The following XIRP2 variants were observed in gnomAD, a reference collection of about 807,000 sequenced individuals.
XIRP2 encodes the protein xin actin binding repeat containing 2.
In XIRP2, 236 loss-of-function variants were observed where a neutral mutation model predicts 277.0. That is an observed-to-expected ratio of 0.85 (90% confidence interval 0.77 to 0.95). The LOEUF is 0.95. Among genes scored for constraint, XIRP2 ranks in the 40% least tolerant of loss-of-function variants. The pLI, the probability that XIRP2 is intolerant of heterozygous loss-of-function variation, is 0.00. For missense variants in XIRP2, 4,640 were observed against 4,157.5 expected, an observed-to-expected ratio of 1.12 and a Z score of -3.19; for synonymous variants, 1,490 against 1,416.5, an observed-to-expected ratio of 1.05 and a Z score of -1.17.
intron 2 of XIRP2, among the ~76,000 whole-genome samples, chr2:166,929,130 C>T (rs1426826842): frequency 6.6e-6 from 1 of 151,872 alleles, no homozygotes; most frequent in Non-Finnish European, 1.5e-5. Flanking sequence ...CACCAAGACC[C>T]GCTGAATTGG....
intron 5 of XIRP2, among the ~76,000 whole-genome samples, chr2:167,227,731 A>G (rs1694646315): frequency 6.6e-6 from 1 of 152,096 alleles, no homozygotes; most frequent in Admixed American, 6.6e-5. Flanking sequence ...AATAAAATAA[A>G]TGATAGAATG....
intron 2 of XIRP2, among the ~76,000 whole-genome samples, chr2:166,904,782 T>C (rs1684473849): frequency 6.6e-6 from 1 of 152,090 alleles, no homozygotes; most frequent in Non-Finnish European, 1.5e-5. Context: ...GTTTGTTTGA[T>C]TGTTTTTTTG....
chr2:166,958,607 G>C (rs191076893), intron 2 of XIRP2, among the ~76,000 whole-genome samples: 23 of 151,686 alleles, frequency 1.5e-4, no homozygotes, highest in African/African-American at 5.6e-4. Flanking sequence ...AAAATAAAAT[G>C]CCTGCCTCTT....
At chr2:167,130,212 C>T (rs985594908) in intron 2 of XIRP2, among the ~76,000 whole-genome samples, 4 of 152,024 alleles carry the variant, frequency 2.6e-5, no homozygotes, top group Non-Finnish European at 4.4e-5. Flanking sequence ...CCTAATCACT[C>T]CTCTCCTACT....
chr2:167,246,890 A>G lies in XIRP2; in HGVS notation c.5498A>G (p.Lys1833Arg). Reference protein sequence around the residue: ...EPQSTFGKIPKEEIIKGDLTS... With the variant: ...EPQSTFGKIPREEIIKGDLTS... ...CAGAGTACATTTGGTAAGATACCCA[A>G]AGAAGAGATTATAAAAGGTGATTTG... The change falls in exon 9 of 11, where the codon AAA becomes AGA. Residue 1833 changes from lysine (K) to arginine (R), a missense_variant. Lys to Arg is a conservative substitution (Grantham distance 26). Transcript: ENST00000409195. 1 of 1,613,628 alleles carries G rather than the reference A, an allele frequency of 6.2e-7. No homozygotes were observed. The highest frequency in any genetic ancestry group is 8.5e-7 in the Non-Finnish European group (1 of 1,179,796).
chr2:167,033,402 A>G (rs555628027), intron 2 of XIRP2, among the ~76,000 whole-genome samples: 21 of 152,274 alleles, frequency 1.4e-4, no homozygotes, highest in South Asian at 6.2e-4. Context: ...ATAAACATGC[A>G]TGTTCTGCAC....
intron 2 of XIRP2, among the ~76,000 whole-genome samples, chr2:166,999,165 A>G (rs1041131412): frequency 6.6e-6 from 1 of 152,176 alleles, no homozygotes; most frequent in Non-Finnish European, 1.5e-5. Context: ...AGGTTGAAGG[A>G]TGCTTAATAT....
chr2:167,011,782 C>A (rs929879926), intron 2 of XIRP2, among the ~76,000 whole-genome samples: 10 of 151,982 alleles, frequency 6.6e-5, no homozygotes, highest in Non-Finnish European at 1.2e-4. Flanking sequence ...GATTCAACTT[C>A]TTCCTGGTTT....
At chr2:166,919,269 G>A (rs1180203679) in intron 2 of XIRP2, among the ~76,000 whole-genome samples, 3 of 152,188 alleles carry the variant, frequency 2.0e-5, no homozygotes, top group African/African-American at 7.2e-5. Context: ...GTGAGTGAAT[G>A]TTATAACTTC....
Position 166,983,554 on chromosome 2 carries a change from A to G in XIRP2, c.408+79664A>G, listed in dbSNP as rs183780101. On this transcript the variant is annotated intron_variant, in intron 2 of 10. Coordinates refer to ENST00000409195, the MANE Select transcript of XIRP2 (RefSeq NM_152381.6). Reference sequence around the variant, plus strand: ...TTAATTCTGTTTTCTTCTTCTGAAAAGTGTTCATTTTTATTCTAGCAGTTA... The same window carrying G: ...TTAATTCTGTTTTCTTCTTCTGAAAGGTGTTCATTTTTATTCTAGCAGTTA... 1.5e-4 allele frequency among the ~76,000 whole-genome samples: 23 copies of G among 152,254 alleles called. No individual in the cohort carries two copies. The East Asian group carries it at 4.4e-3, about 29-fold the overall frequency.
At chr2:166,914,993 G>GT (rs1031246106) in intron 2 of XIRP2, among the ~76,000 whole-genome samples, 1 of 151,800 alleles carries the variant, frequency 6.6e-6, no homozygotes, top group African/African-American at 2.4e-5. Context: ...TTGTTTGTTT[G>GT]TTTTTTAAAA....
chr2:166,936,111 G>A (rs1383054965), intron 2 of XIRP2, among the ~76,000 whole-genome samples: 1 of 152,172 alleles, frequency 6.6e-6, no homozygotes, highest in Non-Finnish European at 1.5e-5. Context: ...ATTCTAACTG[G>A]TGTGAGATGG....
In XIRP2 at chr2:167,244,714, GA is replaced by G. The variant is rs1483105115; in HGVS notation, c.3327del (p.Val1110PhefsTer3). The G allele has an allele frequency of 6.2e-7, 1 of 1,613,128 alleles. No individual in the cohort carries two copies. Among genetic ancestry groups the G allele is most frequent in the Non-Finnish European group, 8.5e-7 (1 of 1,179,628 alleles). ...GACCCAGCCAATGGAGTCTCTTTAT[GA>G]AAAAGTTTCGTTAATGACCAGCAGT... ...FETQPMESLYEKVSLMTSSEE... is the reference protein window; with the variant it reads ...FETQPMESLYXKVSLMTSSEE... On this transcript the variant is annotated frameshift_variant, in exon 9 of 11. Coordinates refer to ENST00000409195, the MANE Select transcript of XIRP2 (RefSeq NM_152381.6). LOFTEE classifies it high-confidence loss of function.
intron 2 of XIRP2, among the ~76,000 whole-genome samples, chr2:166,913,779 A>C (rs1305963797): frequency 1.3e-5 from 2 of 152,242 alleles, no homozygotes; most frequent in African/African-American, 4.8e-5. Flanking sequence ...ACTCTCCCAC[A>C]GGTAAGTTTA....
chr2:167,098,546 A>G (rs1009495642), intron 2 of XIRP2, among the ~76,000 whole-genome samples: 3 of 152,172 alleles, frequency 2.0e-5, no homozygotes, highest in South Asian at 2.1e-4. Flanking sequence ...ACTTCTGTCA[A>G]TTCATCAAAC....
chr2:166,889,275 C>A (rs909857786), intron 1 of XIRP2, among the ~76,000 whole-genome samples: 1 of 152,166 alleles, frequency 6.6e-6, no homozygotes, highest in Non-Finnish European at 1.5e-5. Context: ...TGCTTTCCTG[C>A]ACCTTTCTAT....
At chr2:167,206,665 A>G (rs1693863519) in intron 3 of XIRP2, among the ~76,000 whole-genome samples, 1 of 152,108 alleles carries the variant, frequency 6.6e-6, no homozygotes. Context: ...GGGAAGGGAG[A>G]AGGGAAAAGA....
At chr2:167,118,460 C>T (rs116659106) in intron 2 of XIRP2, among the ~76,000 whole-genome samples, 4,640 of 145,804 alleles carry the variant, frequency 0.032, 78 homozygotes, top group East Asian at 0.052. Flanking sequence ...CCAGCCTGGG[C>T]GACACAGCAA....
intron 3 of XIRP2, among the ~76,000 whole-genome samples, chr2:167,179,292 G>A (rs187836371): frequency 9.3e-4 from 140 of 150,994 alleles, no homozygotes; most frequent in African/African-American, 1.5e-3. Flanking sequence ...CTTCCCCAGT[G>A]AGGACACATT....
Sources: allele counts gnomAD v4.1 joint callset (sites outside exome capture counted in the v4.1 genomes callset), GRCh38; gene constraint gnomAD v4.1.1; transcripts MANE v1.5; gene names NCBI Gene and HGNC (gene_info 2026-07-23, HGNC 2026-07-21).